The following EPB41L2 variants were observed in gnomAD, a reference collection of about 807,000 sequenced individuals.
EPB41L2 encodes the protein erythrocyte membrane protein band 4.1 like 2.
EPB41L2 carries 43 observed loss-of-function variants against 113.0 expected under a neutral mutation model. The ratio of observed to expected loss-of-function variants is 0.38; its 90% confidence interval spans 0.30 to 0.49. The LOEUF (loss-of-function observed/expected upper bound fraction) is 0.49, where lower values mean the gene tolerates loss of function less well. EPB41L2 is among the 20% of genes least tolerant of loss of function. The pLI is 0.95. For missense variants in EPB41L2, 1,147 were observed against 1,223.4 expected (o/e 0.94, Z 0.93); for synonymous variants, 442 against 436.7 (o/e 1.01, Z -0.15).
intron 3 of EPB41L2, among the ~76,000 whole-genome samples, chr6:130,944,800 C>T (rs11967530): frequency 0.022 from 3,403 of 152,118 alleles, 126 homozygotes; most frequent in African/African-American, 0.078. Flanking sequence ...TGAGGTTATA[C>T]GTGACCAAGA....
At chr6:130,966,832 A>G (rs1337072998) in intron 1 of EPB41L2, among the ~76,000 whole-genome samples, 2 of 152,194 alleles carry the variant, frequency 1.3e-5, no homozygotes, top group Non-Finnish European at 2.9e-5. Context: ...CTCTAGCCAC[A>G]CAAATGAACA....
chr6:130,980,762 A>C (rs1779222168), intron 1 of EPB41L2, among the ~76,000 whole-genome samples: 1 of 152,178 alleles, frequency 6.6e-6, no homozygotes, highest in Non-Finnish European at 1.5e-5. Context: ...ACAACAACCA[A>C]TCCAAAGGGG....
Position 130,895,920 on chromosome 6 carries a change from C to T in EPB41L2, c.1237-801G>A, listed in dbSNP as rs566753420. On this transcript the variant is annotated intron_variant, in intron 8 of 19. Coordinates refer to ENST00000337057, the MANE Select transcript of EPB41L2 (RefSeq NM_001431.4). ...TCCTCACATTTCAAGTAGTGAAGAT[C>T]TAAGATGCATGTATTCAAAACATAC... 1.6e-4 allele frequency among the ~76,000 whole-genome samples: 24 copies of T among 152,286 alleles called. No homozygotes were observed. The South Asian group carries it at 5.0e-3, about 32-fold the overall frequency.
chr6:130,914,926 A>G (rs1800468870), intron 4 of EPB41L2, among the ~76,000 whole-genome samples: 1 of 152,236 alleles, frequency 6.6e-6, no homozygotes, highest in Non-Finnish European at 1.5e-5. Flanking sequence ...TAAGAGACTA[A>G]TAATAAAAGT....
intron 3 of EPB41L2, among the ~76,000 whole-genome samples, chr6:130,948,762 A>T (rs1813806758): frequency 6.6e-6 from 1 of 152,204 alleles, no homozygotes; most frequent in African/African-American, 2.4e-5. Context: ...TAGTACAATA[A>T]CATAAATATC....
chr6:130,900,841 G>T, intron 7 of EPB41L2, 121 bp downstream of exon 7: 1 of 1,190,654 alleles, frequency 8.4e-7, no homozygotes, highest in Non-Finnish European at 1.2e-6. Context: ...AGTGCTAGGT[G>T]AAACTCCAAA....
At chr6:131,045,147 G>C (rs778482116) in intron 1 of EPB41L2, among the ~76,000 whole-genome samples, 17 of 152,026 alleles carry the variant, frequency 1.1e-4, no homozygotes, top group Non-Finnish European at 2.1e-4. Flanking sequence ...AGGTGCTATA[G>C]TTTCTCCTCA....
At chr6:130,949,051 G>A (rs371551406) in intron 3 of EPB41L2, among the ~76,000 whole-genome samples, 32 of 152,068 alleles carry the variant, frequency 2.1e-4, no homozygotes, top group Non-Finnish European at 4.7e-4. Flanking sequence ...CCTAGAAACC[G>A]GTATCAACAA....
chr6:131,011,997 G>T (rs943514217), intron 1 of EPB41L2, among the ~76,000 whole-genome samples: 14 of 152,312 alleles, frequency 9.2e-5, no homozygotes, highest in African/African-American at 3.4e-4. Context: ...TTGAGGTCAG[G>T]AGTTCAAGAC....
intron 1 of EPB41L2, among the ~76,000 whole-genome samples, chr6:131,055,578 T>C (rs1381843424): frequency 1.3e-5 from 2 of 152,094 alleles, no homozygotes; most frequent in African/African-American, 4.8e-5. Context: ...TGCCAACAAA[T>C]TGCAAAAAAC....
intron 1 of EPB41L2, among the ~76,000 whole-genome samples, chr6:131,057,250 C>T (rs1248254012): frequency 6.6e-6 from 1 of 152,126 alleles, no homozygotes; most frequent in Non-Finnish European, 1.5e-5. Flanking sequence ...CACAGAGATG[C>T]TGCACACACA....
intron 1 of EPB41L2, among the ~76,000 whole-genome samples, chr6:130,968,008 G>A (rs910178863): frequency 1.1e-4 from 17 of 152,230 alleles, no homozygotes; most frequent in African/African-American, 3.9e-4. Context: ...AGATGCCAGC[G>A]AGTCTATTTT....
At chr6:131,054,482 A>C (rs943664095) in intron 1 of EPB41L2, among the ~76,000 whole-genome samples, 2 of 152,194 alleles carry the variant, frequency 1.3e-5, no homozygotes, top group Non-Finnish European at 1.5e-5. Context: ...AGTTGGTGCA[A>C]GTCCCTATCT....
At chr6:130,921,040 C>T (rs1433054288) in intron 4 of EPB41L2, among the ~76,000 whole-genome samples, 1 of 152,162 alleles carries the variant, frequency 6.6e-6, no homozygotes, top group Non-Finnish European at 1.5e-5. Context: ...CAACTCTCCC[C>T]TCGCTGTCAT....
intron 1 of EPB41L2, among the ~76,000 whole-genome samples, chr6:130,969,815 CCTCA>C (rs1776309443): frequency 6.6e-6 from 1 of 152,126 alleles, no homozygotes. Context: ...CTTACATAGT[CCTCA>C]CTGTGCTTCC....
At chr6:130,931,522 G>A (rs1476549557) in intron 3 of EPB41L2, among the ~76,000 whole-genome samples, 5 of 152,042 alleles carry the variant, frequency 3.3e-5, no homozygotes, top group Non-Finnish European at 5.9e-5. Context: ...AGATTATCAG[G>A]TGACACATAT....
At chr6:131,011,864 C>T (rs2128726252) in intron 1 of EPB41L2, among the ~76,000 whole-genome samples, 1 of 152,222 alleles carries the variant, frequency 6.6e-6, no homozygotes, top group Admixed American at 6.5e-5. Flanking sequence ...TAAGTTAGGA[C>T]TGGGTGAGAA....
At chr6:130,987,330 T>C (rs1163061667) in intron 1 of EPB41L2, among the ~76,000 whole-genome samples, 1 of 152,210 alleles carries the variant, frequency 6.6e-6, no homozygotes, top group Non-Finnish European at 1.5e-5. Flanking sequence ...TGCACTTACA[T>C]TCCCACCAGT....
chr6:130,893,556 C>G (rs1056033700), intron 10 of EPB41L2, among the ~76,000 whole-genome samples: 3 of 152,208 alleles, frequency 2.0e-5, no homozygotes, highest in Non-Finnish European at 4.4e-5. Flanking sequence ...TGCCTAGCAG[C>G]ACTGAGGATC....
Sources: allele counts gnomAD v4.1 joint callset (sites outside exome capture counted in the v4.1 genomes callset), GRCh38; gene constraint gnomAD v4.1.1; transcripts MANE v1.5; gene names NCBI Gene and HGNC (gene_info 2026-07-23, HGNC 2026-07-21).